The following PDE3A variants were observed in gnomAD, a reference collection of about 807,000 sequenced individuals.
The protein encoded by PDE3A is phosphodiesterase 3A, also known as cGMP-inhibited 3',5'-cyclic phosphodiesterase 3A.
PDE3A carries 43 observed loss-of-function variants against 98.3 expected under a neutral mutation model. The observed-to-expected ratio is 0.44, with a 90% CI of 0.34 to 0.56. PDE3A has a LOEUF of 0.56. Ranked by LOEUF, PDE3A falls within the 20% of genes least tolerant of loss-of-function variation. PDE3A has a pLI of 0.01. For missense variants in PDE3A, 1,427 were observed against 1,440.7 expected (o/e 0.99, Z 0.15); for synonymous variants, 663 against 567.9 (o/e 1.17, Z -2.38).
chr12:20,622,555 C>T (rs1457423781), intron 5 of PDE3A, among the ~76,000 whole-genome samples: 1 of 152,114 alleles, frequency 6.6e-6, no homozygotes, highest in African/African-American at 2.4e-5. Flanking sequence ...TAAATTTTGT[C>T]ACTTAGAAGT....
chr12:20,578,060 T>C (rs1199263749), intron 2 of PDE3A, among the ~76,000 whole-genome samples: 1 of 152,156 alleles, frequency 6.6e-6, no homozygotes, highest in African/African-American at 2.4e-5. Flanking sequence ...TTAGGGTCAA[T>C]GAAGTCGGAA....
chr12:20,563,620 G>A (rs534796934), intron 2 of PDE3A, among the ~76,000 whole-genome samples: 12 of 152,004 alleles, frequency 7.9e-5, no homozygotes, highest in Non-Finnish European at 7.4e-5. Flanking sequence ...TCCAATAATT[G>A]TTTAACTTTT....
chr12:20,606,889 AATTG>A (rs919971338), intron 2 of PDE3A, among the ~76,000 whole-genome samples: 6 of 151,656 alleles, frequency 4.0e-5, no homozygotes, highest in African/African-American at 7.3e-5. Flanking sequence ...AATTTTCTGT[AATTG>A]ATTGATAGGC....
chr12:20,674,825 G>T (rs879863908), intron 15 of PDE3A, among the ~76,000 whole-genome samples: 1 of 151,474 alleles, frequency 6.6e-6, no homozygotes, highest in Non-Finnish European at 1.5e-5. Flanking sequence ...ATTTTTGGAG[G>T]TCTTCTCATT....
At chr12:20,421,598 T>TAAAA (rs35898103) in intron 1 of PDE3A, among the ~76,000 whole-genome samples, 3 of 114,992 alleles carry the variant, frequency 2.6e-5, no homozygotes, top group African/African-American at 9.1e-5. Flanking sequence ...TTATTGGTAA[T>TAAAA]AAAAAAAAAA....
chr12:20,417,861 G>A (rs1944448141), intron 1 of PDE3A, among the ~76,000 whole-genome samples: 1 of 152,272 alleles, frequency 6.6e-6, no homozygotes, highest in East Asian at 1.9e-4. Context: ...TTAATATAAA[G>A]CACATATGTG....
intron 2 of PDE3A, among the ~76,000 whole-genome samples, chr12:20,587,347 C>T (rs775527824): frequency 1.6e-4 from 24 of 151,794 alleles, no homozygotes; most frequent in Admixed American, 1.1e-3. Context: ...CCAGCCTGGG[C>T]GACAGAGCAA....
chr12:20,379,418 G>C lies in PDE3A; in HGVS notation c.960+9174G>C, dbSNP rs60093153. Reference sequence around the variant, plus strand: ...TCTCTCAGGAAGTTTGGAAGGGAGAGAGCCTGCTGAACTGCTTATGCTGTA... The same window carrying C: ...TCTCTCAGGAAGTTTGGAAGGGAGACAGCCTGCTGAACTGCTTATGCTGTA... On this transcript the variant is annotated intron_variant, in intron 1 of 15. Transcript: ENST00000359062. 3.5e-3 allele frequency among the ~76,000 whole-genome samples: 529 copies of C among 151,864 alleles called. 2 individuals are homozygous for C. The highest frequency in any genetic ancestry group is 0.012 in the African/African-American group (498 of 41,480).
chr12:20,393,915 A>G (rs1200429234), intron 1 of PDE3A, among the ~76,000 whole-genome samples: 1 of 151,982 alleles, frequency 6.6e-6, no homozygotes. Flanking sequence ...AACCTCCTGA[A>G]TCAATGCTGT....
chr12:20,555,214 G>A (rs1325707465), intron 1 of PDE3A, among the ~76,000 whole-genome samples: 2 of 152,136 alleles, frequency 1.3e-5, no homozygotes, highest in African/African-American at 4.8e-5. Flanking sequence ...AGTAGAGACA[G>A]GGTTGACCCG....
At chr12:20,670,195 A>C (rs1276461577) in intron 15 of PDE3A, among the ~76,000 whole-genome samples, 1 of 150,482 alleles carries the variant, frequency 6.6e-6, no homozygotes, top group East Asian at 1.9e-4. Flanking sequence ...AAGATTCATA[A>C]AGCAAGTCCT....
At chr12:20,675,383 C>T (rs1945609758) in intron 15 of PDE3A, among the ~76,000 whole-genome samples, 1 of 152,148 alleles carries the variant, frequency 6.6e-6, no homozygotes, top group African/African-American at 2.4e-5. Context: ...GAGTACTCTG[C>T]AGCTGTTCAA....
At chr12:20,601,920 T>A (rs950440666) in intron 2 of PDE3A, among the ~76,000 whole-genome samples, 2 of 152,194 alleles carry the variant, frequency 1.3e-5, no homozygotes, top group African/African-American at 4.8e-5. Context: ...AACAGAAGCC[T>A]TAAGTTCAAA....
rs527553453 is a variant in PDE3A, at chr12:20,553,053, C to T, written c.961-3607C>T. On this transcript the variant is annotated intron_variant, in intron 1 of 15. Transcript: ENST00000359062. ...GACAGGCGTTTTGCTGAAAACGTGT[C>T]GGAGGGCTCGTTCATCGGCACTGAT... The T allele has an allele frequency of 4.9e-6, 6 of 1,227,482 alleles. No individual in the cohort carries two copies. The South Asian group carries it at 5.7e-5, about 12-fold the overall frequency. The allele number at this position is 1,227,482 out of a possible 1,614,324, so 76.0% of individuals were successfully genotyped here. A position where few individuals can be genotyped will look rare whatever the true frequency, so the allele number is the denominator to read the frequency against.
chr12:20,540,964 T>C (rs955989814), intron 1 of PDE3A, among the ~76,000 whole-genome samples: 1 of 151,558 alleles, frequency 6.6e-6, no homozygotes, highest in African/African-American at 2.4e-5. Flanking sequence ...TTTAAGACCC[T>C]CTCACTCCTA....
chr12:20,406,580 T>TAC (rs1394142176), intron 1 of PDE3A, among the ~76,000 whole-genome samples: 1 of 152,220 alleles, frequency 6.6e-6, no homozygotes, highest in Non-Finnish European at 1.5e-5. Context: ...TGCTGTTGTA[T>TAC]AAGTTCCCGA....
At chr12:20,432,821 G>A (rs1247558511) in intron 1 of PDE3A, among the ~76,000 whole-genome samples, 1 of 152,024 alleles carries the variant, frequency 6.6e-6, no homozygotes, top group Admixed American at 6.6e-5. Flanking sequence ...TTGAAACTTA[G>A]GTAAATGGTT....
At chr12:20,578,474 TACACAC>T (rs5796870) in intron 2 of PDE3A, among the ~76,000 whole-genome samples, 32,169 of 148,256 alleles carry the variant, frequency 0.22, 3,493 homozygotes, top group South Asian at 0.33. Flanking sequence ...ATACAACTAA[TACACAC>T]ACACACACAC....
intron 11 of PDE3A, 41 bp from the exon 12 acceptor site, chr12:20,646,710 C>G (rs772374803): frequency 6.7e-7 from 1 of 1,488,202 alleles, no homozygotes; most frequent in Non-Finnish European, 9.4e-7. Flanking sequence ...AATGTCAGTA[C>G]TTTTTTAAAA....
Sources: allele counts gnomAD v4.1 joint callset (sites outside exome capture counted in the v4.1 genomes callset), GRCh38; gene constraint gnomAD v4.1.1; transcripts MANE v1.5; gene names NCBI Gene and HGNC (gene_info 2026-07-23, HGNC 2026-07-21).